DCC: variants seen among roughly 807,000 people sequenced by gnomAD.
DCC encodes the protein DCC netrin 1 receptor.
Under a neutral mutation model 172.5 loss-of-function variants are expected in DCC, and 58 were observed. The observed-to-expected ratio is 0.34, with a 90% CI of 0.27 to 0.42. The LOEUF is 0.42. DCC is among the 10% of genes least tolerant of loss of function. The probability of loss-of-function intolerance (pLI) is 1.00; values close to 1 mark genes in which losing one functional copy is unlikely to be tolerated. For missense variants in DCC, 1,740 were observed against 1,791.0 expected, an observed-to-expected ratio of 0.97 and a Z score of 0.51; for synonymous variants, 709 against 644.5, an observed-to-expected ratio of 1.10 and a Z score of -1.52.
intron 7 of DCC, among the ~76,000 whole-genome samples, chr18:53,145,063 T>C (rs1188171806): frequency 2.0e-5 from 3 of 146,864 alleles, no homozygotes; most frequent in South Asian, 2.2e-4. Context: ...TGGTATTAAG[T>C]GGTGGGGCCT....
intron 21 of DCC, among the ~76,000 whole-genome samples, chr18:53,420,575 T>C (rs1052550685): frequency 2.6e-5 from 4 of 152,180 alleles, no homozygotes; most frequent in African/African-American, 9.7e-5. Context: ...GTGAGGGTCC[T>C]CTTCCTGGCT....
intron 1 of DCC, among the ~76,000 whole-genome samples, chr18:52,454,956 G>A (rs371079508): frequency 9.9e-5 from 15 of 152,030 alleles, no homozygotes; most frequent in East Asian, 7.7e-4. Context: ...CAAATGACTC[G>A]TTTTGCATTA....
At chr18:52,734,724 G>A (rs2036698725) in intron 1 of DCC, among the ~76,000 whole-genome samples, 1 of 152,080 alleles carries the variant, frequency 6.6e-6, no homozygotes, top group African/African-American at 2.4e-5. Context: ...CATTAAGTAT[G>A]TTAAAGATGG....
intron 25 of DCC, among the ~76,000 whole-genome samples, chr18:53,484,643 CAATGTGA>C (rs1257165833): frequency 6.6e-6 from 1 of 151,988 alleles, no homozygotes; most frequent in Non-Finnish European, 1.5e-5. Context: ...TCATTATTTT[CAATGTGA>C]AAATCATTCC....
At chr18:52,588,154 T>C (rs1315086577) in intron 1 of DCC, among the ~76,000 whole-genome samples, 1 of 151,806 alleles carries the variant, frequency 6.6e-6, no homozygotes. Flanking sequence ...AAACAGAGAG[T>C]AGTTATCTGC....
At chr18:52,546,199 A>G (rs562410435) in intron 1 of DCC, among the ~76,000 whole-genome samples, 2 of 152,316 alleles carry the variant, frequency 1.3e-5, no homozygotes, top group African/African-American at 4.8e-5. Context: ...AGAAAACTAA[A>G]TTAATACAAA....
In DCC at chr18:52,693,948, T is replaced by A. The variant is rs555354318; in HGVS notation, c.92-58106T>A. ...ATAGATATATTCCAAATAATATAAGTGTGGGCAGGACTTAGTGACTCATAT... is the reference window on the plus strand; with the variant it reads ...ATAGATATATTCCAAATAATATAAGAGTGGGCAGGACTTAGTGACTCATAT... On this transcript the variant is annotated intron_variant, in intron 1 of 28. Transcript: ENST00000442544. 1.4e-3 allele frequency among the ~76,000 whole-genome samples: 206 copies of A among 152,120 alleles called. 2 individuals carry two copies. Among genetic ancestry groups the A allele is most frequent in the Non-Finnish European group, 2.3e-3 (153 of 67,988 alleles).
At chr18:53,225,851 T>G (rs1389836146) in intron 12 of DCC, among the ~76,000 whole-genome samples, 1 of 152,002 alleles carries the variant, frequency 6.6e-6, no homozygotes, top group Non-Finnish European at 1.5e-5. Flanking sequence ...GATAGCTGGG[T>G]TTTATTCAGT....
intron 2 of DCC, among the ~76,000 whole-genome samples, chr18:52,881,240 A>G (rs1418256726): frequency 1.3e-5 from 2 of 152,090 alleles, no homozygotes; most frequent in African/African-American, 2.4e-5. Context: ...AGCTCCTTAT[A>G]TATTCTGGTT....
chr18:53,044,069 G>T (rs1015486438), intron 5 of DCC, among the ~76,000 whole-genome samples: 1 of 151,744 alleles, frequency 6.6e-6, no homozygotes, highest in African/African-American at 2.4e-5. Context: ...ACTAATATCC[G>T]GATTATTGAA....
chr18:53,020,495 A>G (rs2041865078), intron 5 of DCC, among the ~76,000 whole-genome samples: 1 of 152,182 alleles, frequency 6.6e-6, no homozygotes, highest in Admixed American at 6.5e-5. Context: ...ACCAAAAGTT[A>G]TTCAGAACCA....
intron 1 of DCC, among the ~76,000 whole-genome samples, chr18:52,353,049 C>T (rs1428463869): frequency 6.6e-6 from 1 of 152,146 alleles, no homozygotes; most frequent in Non-Finnish European, 1.5e-5. Context: ...GGGAAACTGC[C>T]CCTACCACAC....
At chr18:53,408,114 T>A (rs906859135) in intron 19 of DCC, among the ~76,000 whole-genome samples, 1 of 152,198 alleles carries the variant, frequency 6.6e-6, no homozygotes, top group African/African-American at 2.4e-5. Flanking sequence ...ATCCATTATG[T>A]CCCTGACCTT....
intron 2 of DCC, among the ~76,000 whole-genome samples, chr18:52,882,588 ATTGATTTCTAGT>A (rs1239045159): frequency 1.3e-5 from 2 of 151,942 alleles, no homozygotes; most frequent in African/African-American, 4.8e-5. Context: ...GCCTCTGGTT[ATTGATTTCTAGT>A]TTGATTACAC....
chr18:53,034,007 A>G (rs997719778), intron 5 of DCC, among the ~76,000 whole-genome samples: 2 of 151,710 alleles, frequency 1.3e-5, no homozygotes, highest in Non-Finnish European at 1.5e-5. Flanking sequence ...TTTCAGTCTC[A>G]TTTGCTAGTT....
chr18:52,354,142 G>A (rs553848516), intron 1 of DCC, among the ~76,000 whole-genome samples: 7 of 152,240 alleles, frequency 4.6e-5, no homozygotes, highest in Admixed American at 3.3e-4. Context: ...TAGAGTGACC[G>A]ATCATTCTTG....
In DCC at chr18:53,288,229, T is replaced by C. The variant is rs73463058; in HGVS notation, c.1912-17349T>C. ...GTCTGACATATTCTTGATTAAAGGA[T>C]CAACAAACCTTTTCATTTCTAGAAC... On this transcript the variant is annotated intron_variant, in intron 12 of 28. Coordinates refer to ENST00000442544, the MANE Select transcript of DCC (RefSeq NM_005215.4). 5.7e-3 allele frequency among the ~76,000 whole-genome samples: 868 copies of C among 152,270 alleles called. 10 individuals are homozygous for C. The highest frequency in any genetic ancestry group is 0.02 in the African/African-American group (833 of 41,576).
intron 1 of DCC, among the ~76,000 whole-genome samples, chr18:52,545,209 G>C (rs528664374): frequency 6.6e-6 from 1 of 152,308 alleles, no homozygotes; most frequent in South Asian, 2.1e-4. Context: ...GAGATACTGG[G>C]TCAGACTTGA....
intron 5 of DCC, among the ~76,000 whole-genome samples, chr18:53,044,673 T>C (rs566449093): frequency 6.6e-6 from 1 of 151,980 alleles, no homozygotes; most frequent in African/African-American, 2.4e-5. Flanking sequence ...AAATTCAGGC[T>C]TACTAAGAAA....
Sources: allele counts gnomAD v4.1 joint callset (sites outside exome capture counted in the v4.1 genomes callset), GRCh38; gene constraint gnomAD v4.1.1; transcripts MANE v1.5; gene names NCBI Gene and HGNC (gene_info 2026-07-23, HGNC 2026-07-21).